NUP210L: variants seen among roughly 807,000 people sequenced by gnomAD.
The protein encoded by NUP210L is nucleoporin 210 like.
In NUP210L, 74 loss-of-function variants were observed where a neutral mutation model predicts 208.5. The observed-to-expected ratio is 0.35, with a 90% CI of 0.29 to 0.43. The LOEUF is 0.43. NUP210L is among the 20% of genes least tolerant of loss of function. The pLI is 1.00. For missense variants in NUP210L, 1,843 were observed against 2,289.4 expected, an observed-to-expected ratio of 0.81 and a Z score of 3.98; for synonymous variants, 780 against 816.9, an observed-to-expected ratio of 0.95 and a Z score of 0.77.
At chr1:154,155,115 G>A (rs975788025) in exon 1 of NUP210L, 7 of 1,119,268 alleles carry the variant, frequency 6.3e-6, no homozygotes, top group East Asian at 2.6e-5. Context: ...ATCCACAGGC[G>A]TGACGTCAGC....
intron 15 of NUP210L, among the ~76,000 whole-genome samples, chr1:154,092,234 C>T (rs1232108195): frequency 3.3e-5 from 5 of 151,636 alleles, no homozygotes; most frequent in African/African-American, 9.7e-5. Flanking sequence ...CGCCACCACG[C>T]CTGGCTAATT....
At chr1:154,094,049 C>T (rs947399877) in intron 15 of NUP210L, among the ~76,000 whole-genome samples, 8 of 151,884 alleles carry the variant, frequency 5.3e-5, no homozygotes, top group Non-Finnish European at 1.0e-4. Flanking sequence ...TTTGGGAGGC[C>T]GAGTTGGGCA....
At chr1:154,098,134 A>G (rs1397722788) in intron 14 of NUP210L, among the ~76,000 whole-genome samples, 3 of 152,346 alleles carry the variant, frequency 2.0e-5, no homozygotes, top group Non-Finnish European at 4.4e-5. Context: ...CAGCATGGGC[A>G]CTGGCTCTCT....
intron 13 of NUP210L, among the ~76,000 whole-genome samples, chr1:154,103,671 C>CAAAAA (rs553564283): frequency 7.9e-5 from 3 of 37,786 alleles, no homozygotes; most frequent in Non-Finnish European, 1.6e-4. Context: ...GACTCCGTCT[C>CAAAAA]AAAAAAAAAA....
At position 154,070,563 on chromosome 1, in the gene NUP210L, A is replaced by T. The variant is rs1319247391; in HGVS notation, c.2362-98T>A. 4 of 823,140 alleles carry T rather than the reference A, an allele frequency of 4.9e-6. No homozygotes were observed. In the East Asian group the frequency reaches 1.2e-4, roughly 25 times the overall value. The allele number at this position is 823,140 out of a possible 1,614,324, so 51.0% of individuals were successfully genotyped here. A position where few individuals can be genotyped will look rare whatever the true frequency, so the allele number is the denominator to read the frequency against. ...AAGCTAGGAATCGAGTTTTCTCTCAATATTTTTACCTTAAAAATTTGCAAA... is the reference window on the plus strand; with the variant it reads ...AAGCTAGGAATCGAGTTTTCTCTCATTATTTTTACCTTAAAAATTTGCAAA... On this transcript the variant is annotated intron_variant, in intron 16 of 39. Transcript: ENST00000368559.
chr1:154,005,551 T>G (rs1650475906), intron 35 of NUP210L, among the ~76,000 whole-genome samples: 1 of 151,546 alleles, frequency 6.6e-6, no homozygotes, highest in Non-Finnish European at 1.5e-5. Flanking sequence ...TTGTTTGTTT[T>G]TTGAGATGGA....
intron 27 of NUP210L, among the ~76,000 whole-genome samples, chr1:154,040,515 G>A (rs1652812738): frequency 6.6e-6 from 1 of 151,932 alleles, no homozygotes; most frequent in Non-Finnish European, 1.5e-5. Context: ...AGTCCCAGCA[G>A]CATAATTACC....
intron 19 of NUP210L, 144 bp downstream of exon 19, chr1:154,060,798 A>C: frequency 1.3e-6 from 1 of 740,832 alleles, no homozygotes; most frequent in Non-Finnish European, 2.2e-6. Context: ...ATTTTTAAGG[A>C]CAGTGCAACT....
rs894879613 is a variant in NUP210L at position 153,993,035 on chromosome 1, G to A, written c.5546C>T (p.Thr1849Ile). 1.9e-6 allele frequency: 3 copies of A among 1,613,740 alleles called. No individual in the cohort carries two copies. The African/African-American group carries it at 4.0e-5, about 22-fold the overall frequency. ...TTTACCTGGCTGTGGTGTTCCTAGA[G>A]TTGGTACATACACAACTGGAACTGT... is the stretch of plus-strand genomic sequence containing the variant. Residue 1849 changes from threonine to isoleucine, a missense_variant, in exon 39 of 40, where the codon ACT becomes ATT. This residue lies in a region of NUP210L where 108 missense variants were observed against 91.1 expected (regional missense o/e 1.18). Coordinates refer to ENST00000368559, the Ensembl canonical transcript of NUP210L.
At chr1:154,031,868 T>C (rs1652247495) in intron 27 of NUP210L, among the ~76,000 whole-genome samples, 1 of 151,638 alleles carries the variant, frequency 6.6e-6, no homozygotes, top group Non-Finnish European at 1.5e-5. Context: ...ACTACAGGCA[T>C]GCACCACTGC....
At chr1:154,089,385 A>G in intron 16 of NUP210L, 36 bp downstream of exon 16, 1 of 1,576,216 alleles carries the variant, frequency 6.3e-7, no homozygotes, top group Non-Finnish European at 8.7e-7. Context: ...GGAATATAAA[A>G]GTGCCAACTT....
At chr1:154,114,075 G>A (rs923859841) in intron 12 of NUP210L, among the ~76,000 whole-genome samples, 5 of 151,156 alleles carry the variant, frequency 3.3e-5, no homozygotes, top group Non-Finnish European at 4.4e-5. Flanking sequence ...CTCGAGAGGC[G>A]GAGGTTGCAA....
chr1:154,138,148 T>C (rs763325991), exon 6 of NUP210L: 5 of 1,529,824 alleles, frequency 3.3e-6, no homozygotes, highest in Non-Finnish European at 2.6e-6. Context: ...TGGTATTTAA[T>C]ATATGTTCCT....
rs925021666 is a variant in NUP210L, at chr1:154,104,373, A to G, written c.1621-163T>C. On this transcript the variant is annotated intron_variant, in intron 12 of 39. Coordinates refer to ENST00000368559, the Ensembl canonical transcript of NUP210L. The stretch of plus-strand genomic sequence containing the variant: ...AAGAAGTCACCTTCATAAGAATCAA[A>G]AATCAGGTGAGCAATCACAGTACCT... 6.5e-6 allele frequency: 4 copies of G among 611,856 alleles called. No individual in the cohort carries two copies. The Admixed American group carries it at 1.2e-4, about 18-fold the overall frequency. 37.9% of individuals were successfully genotyped at this position (611,856 alleles called of 1,614,324 possible).
At chr1:154,050,240 T>C (rs558164196) in intron 25 of NUP210L, among the ~76,000 whole-genome samples, 2 of 152,268 alleles carry the variant, frequency 1.3e-5, no homozygotes, top group Non-Finnish European at 2.9e-5. Context: ...TTTCAAAAAT[T>C]ACTAGGGGAC....
At chr1:154,089,526 C>G (rs1412339259) in exon 16 of NUP210L, 2 of 1,614,042 alleles carry the variant, frequency 1.2e-6, no homozygotes, top group Admixed American at 1.7e-5. Flanking sequence ...TGAAGCGAAC[C>G]TGCAAAACCT....
intron 38 of NUP210L, among the ~76,000 whole-genome samples, chr1:153,994,100 A>T (rs1649672309): frequency 6.6e-6 from 1 of 151,900 alleles, no homozygotes; most frequent in African/African-American, 2.4e-5. Flanking sequence ...GGCTGGTCTT[A>T]AATTCCTAGA....
chr1:154,001,798 G>A (rs765555936), exon 36 of NUP210L: 2 of 1,613,976 alleles, frequency 1.2e-6, no homozygotes, highest in Non-Finnish European at 1.7e-6. Context: ...CTTGTTTGTG[G>A]CTAAGAACCA....
At chr1:154,143,569 G>T in exon 3 of NUP210L, 1 of 1,612,354 alleles carries the variant, frequency 6.2e-7, no homozygotes, top group Non-Finnish European at 8.5e-7. Context: ...CGTAGCTCAT[G>T]GTCAGTCACT....
Sources: gnomAD v4.1 joint callset for allele counts (sites outside exome capture counted in the v4.1 genomes callset) on GRCh38, gnomAD v4.1.1 for gene constraint, gnomAD v4.1.1 regional missense constraint, MANE v1.5 for transcripts, NCBI Gene and HGNC (gene_info 2026-07-23, HGNC 2026-07-21) for gene names.